The following SRFBP1 variants were observed in gnomAD, a reference collection of about 807,000 sequenced individuals.
SRFBP1 encodes the protein serum response factor binding protein 1, also known as serum response factor-binding protein 1.
Under a neutral mutation model 45.5 loss-of-function variants are expected in SRFBP1, and 47 were observed. That is an observed-to-expected ratio of 1.03 (90% CI 0.82 to 1.32). The LOEUF (loss-of-function observed/expected upper bound fraction) is 1.32, where lower values mean the gene tolerates loss of function less well. Among genes scored for constraint, SRFBP1 ranks in the 40% most tolerant of loss-of-function variants. SRFBP1 has a pLI of 0.00. For synonymous variants in SRFBP1, 203 were observed against 166.3 expected, an observed-to-expected ratio of 1.22 and a Z score of -1.70; for missense variants, 621 against 484.6, an observed-to-expected ratio of 1.28 and a Z score of -2.64.
At chr5:122,077,328 G>A (rs773225810), downstream of SRFBP1, 1 of 1,613,268 alleles carries the variant, frequency 6.2e-7, no homozygotes, top group Non-Finnish European at 8.5e-7. This position sits in a 1 kb window ranked among gnomAD's most constrained non-coding sequence, Gnocchi z 4.9. Flanking sequence ...GTGCACGGGT[G>A]CTTCCAGCGG....
chr5:122,068,865 T>C (rs1300772792), intron 2 of SRFBP1, among the ~76,000 whole-genome samples: 1 of 152,062 alleles, frequency 6.6e-6, no homozygotes, highest in East Asian at 1.9e-4. Context: ...ATTATAAAAA[T>C]TAAGAAAAAA....
chr5:121,999,746 A>G (rs1224400678), intron 4 of SRFBP1, among the ~76,000 whole-genome samples: 3 of 152,114 alleles, frequency 2.0e-5, no homozygotes, highest in African/African-American at 7.2e-5. Context: ...TGAAATTTAT[A>G]TCACTGCTTT....
chr5:122,020,006 A>G (rs549276195), intron 5 of SRFBP1, 82 bp from the exon 6 acceptor site: 6 of 928,070 alleles, frequency 6.5e-6, no homozygotes, highest in Admixed American at 6.2e-5. Context: ...CTTTTCAAAT[A>G]ATTTTTTAAA....
At chr5:121,977,794 T>C (rs1752333075) in intron 3 of SRFBP1, among the ~76,000 whole-genome samples, 1 of 152,108 alleles carries the variant, frequency 6.6e-6, no homozygotes, top group South Asian at 2.1e-4. Context: ...TGAGTATTTT[T>C]AGAAATGAGA....
chr5:121,977,840 G>A (rs1041179289), intron 3 of SRFBP1, among the ~76,000 whole-genome samples: 19 of 152,046 alleles, frequency 1.2e-4, no homozygotes, highest in Admixed American at 1.2e-3. Context: ...AAAAAAATTG[G>A]CTTGATCTTT....
At chr5:122,004,627 TCTC>T (rs1362329272) in intron 4 of SRFBP1, among the ~76,000 whole-genome samples, 2 of 152,160 alleles carry the variant, frequency 1.3e-5, no homozygotes, top group East Asian at 1.9e-4. Context: ...GTTTTGTTGA[TCTC>T]CTCTTGTTTT....
At chr5:122,046,667 T>G (rs1464414197) in intron 2 of SRFBP1, among the ~76,000 whole-genome samples, 1 of 152,204 alleles carries the variant, frequency 6.6e-6, no homozygotes, top group Non-Finnish European at 1.5e-5. Context: ...CCACCAACAG[T>G]GTAAAAGTGT....
intron 2 of SRFBP1, among the ~76,000 whole-genome samples, chr5:122,068,524 G>T (rs1251938593): frequency 6.6e-6 from 1 of 152,038 alleles, no homozygotes; most frequent in African/African-American, 2.4e-5. Context: ...TACTCAAAAT[G>T]CCTTTACTCA....
chr5:121,985,752 T>C (rs187208453), intron 3 of SRFBP1, among the ~76,000 whole-genome samples: 23 of 152,046 alleles, frequency 1.5e-4, no homozygotes, highest in African/African-American at 5.5e-4. Context: ...TAGACACTTA[T>C]GGTATACCTG....
chr5:122,034,683 AT>A (rs1322155322), intron 2 of SRFBP1, among the ~76,000 whole-genome samples: 2 of 151,796 alleles, frequency 1.3e-5, no homozygotes, highest in African/African-American at 4.8e-5. Flanking sequence ...TTGATCTTAG[AT>A]TTGCAATTAA....
At chr5:122,004,146 C>A (rs958023956) in intron 4 of SRFBP1, among the ~76,000 whole-genome samples, 1 of 151,984 alleles carries the variant, frequency 6.6e-6, no homozygotes, top group Admixed American at 6.6e-5. Flanking sequence ...CCACCATGCC[C>A]GGCTAATTTG....
intron 3 of SRFBP1, among the ~76,000 whole-genome samples, chr5:121,979,663 G>T (rs1752368330): frequency 2.0e-5 from 3 of 152,220 alleles, no homozygotes; most frequent in South Asian, 2.1e-4. Context: ...AATTGTAAGG[G>T]TGCAAGTAGT....
chr5:122,029,969 A>G (rs950647306), downstream of SRFBP1, among the ~76,000 whole-genome samples: 1 of 152,180 alleles, frequency 6.6e-6, no homozygotes, highest in Non-Finnish European at 1.5e-5. Flanking sequence ...ATTATCGAGG[A>G]TATATTTACA....
chr5:122,058,718 A>G (rs1561411784), intron 2 of SRFBP1, among the ~76,000 whole-genome samples: 2 of 152,116 alleles, frequency 1.3e-5, no homozygotes, highest in Admixed American at 6.6e-5. Context: ...ATGGGACTGC[A>G]ATGTAGAAAT....
rs765166790 is a variant in SRFBP1, at chr5:121,986,310, G to C, written c.199-8289G>C. On this transcript the variant is annotated intron_variant, in intron 3 of 7. Coordinates refer to ENST00000339397, the MANE Select transcript of SRFBP1 (RefSeq NM_152546.3). ...AGACTTATTCATTAGATTTAGCAGC[G>C]TGGAGATCATCACGGGCTTAAAATA... Among the ~76,000 whole-genome samples the C allele has an allele frequency of 3.3e-5, 5 of 152,008 alleles. No individual in the cohort carries two copies. The South Asian group carries it at 1.0e-3, about 31-fold the overall frequency.
At chr5:121,995,022 G>C (rs1359076376) in intron 4 of SRFBP1, among the ~76,000 whole-genome samples, 2 of 148,438 alleles carry the variant, frequency 1.3e-5, no homozygotes, top group African/African-American at 5.2e-5. Flanking sequence ...AGCAAGTCCT[G>C]AGTGACCTAC....
In SRFBP1 at chr5:122,027,072, A is replaced by G. The variant is rs755217436; in HGVS notation, c.1236A>G (p.Glu412=). The change falls in exon 8 of 8, where the codon GAA becomes GAG. Residue 412 remains glutamate (E), a synonymous_variant. Coordinates refer to ENST00000339397, the MANE Select transcript of SRFBP1 (RefSeq NM_152546.3). ...GGGAAGCAAGCAGAAGGCGAAAAGA[A>G]CAGCAATCTAATATTGCTGTGTTTC... ...PSWEASRRRK[E]QQSNIAVFQG... The G allele has an allele frequency of 1.2e-6, 2 of 1,613,022 alleles. No homozygotes were observed. Among genetic ancestry groups the G allele is most frequent in the African/African-American group, 1.3e-5 (1 of 74,820 alleles).
At chr5:122,041,961 T>A (rs1008406544) in intron 2 of SRFBP1, among the ~76,000 whole-genome samples, 3 of 152,344 alleles carry the variant, frequency 2.0e-5, no homozygotes, top group Non-Finnish European at 4.4e-5. Flanking sequence ...GGTGTTAAGA[T>A]CTATTCCTCT....
At chr5:122,020,869 G>C in intron 6 of SRFBP1, 67 bp downstream of exon 6, 1 of 1,337,642 alleles carries the variant, frequency 7.5e-7, no homozygotes. Flanking sequence ...ATGTCTACTT[G>C]TCCATACATG....
Sources: gnomAD v4.1 joint callset for allele counts (sites outside exome capture counted in the v4.1 genomes callset) on GRCh38, gnomAD v4.1.1 for gene constraint, Gnocchi (gnomAD v3.1) non-coding constraint, MANE v1.5 for transcripts, NCBI Gene and HGNC (gene_info 2026-07-23, HGNC 2026-07-21) for gene names.